Variants in CCDC158 observed in about 807,000 individuals in gnomAD.
CCDC158 encodes coiled-coil domain containing 158.
CCDC158 carries 116 observed loss-of-function variants against 138.6 expected under a neutral mutation model. The observed-to-expected ratio is 0.84, with a 90% CI of 0.72 to 0.98. CCDC158 has a LOEUF of 0.98. Among genes scored for constraint, CCDC158 ranks in the 50% least tolerant of loss-of-function variants. The pLI is 0.00. For missense variants in CCDC158, 1,265 were observed against 1,306.1 expected (o/e 0.97, Z 0.48); for synonymous variants, 436 against 442.4 (o/e 0.99, Z 0.18).
At chr4:76,346,802 G>C (rs981508032) in intron 18 of CCDC158, among the ~76,000 whole-genome samples, 4 of 152,012 alleles carry the variant, frequency 2.6e-5, no homozygotes, top group Admixed American at 1.3e-4. Context: ...CTAATATCCA[G>C]AATCTACAAA....
At chr4:76,318,071 T>C (rs990106604) in intron 24 of CCDC158, among the ~76,000 whole-genome samples, 2 of 151,934 alleles carry the variant, frequency 1.3e-5, no homozygotes, top group Admixed American at 6.6e-5. Flanking sequence ...AGAGCACAAA[T>C]AGACACTCTA....
intron 13 of CCDC158, among the ~76,000 whole-genome samples, chr4:76,361,537 G>A (rs1228758317): frequency 6.6e-6 from 1 of 152,142 alleles, no homozygotes; most frequent in Non-Finnish European, 1.5e-5. Flanking sequence ...ACTCCAACCT[G>A]GTGGACAGAG....
chr4:76,367,884 T>A, intron 11 of CCDC158, 108 bp from the exon 12 acceptor site: 1 of 1,121,964 alleles, frequency 8.9e-7, no homozygotes, highest in Non-Finnish European at 1.2e-6. Context: ...TAGGCAATGT[T>A]TAGTAAGATC....
intron 18 of CCDC158, among the ~76,000 whole-genome samples, chr4:76,336,791 G>T (rs1721554901): frequency 6.6e-6 from 1 of 152,198 alleles, no homozygotes; most frequent in Admixed American, 6.5e-5. Flanking sequence ...GAGCAGAGCA[G>T]AGAACTGTCC....
intron 24 of CCDC158, among the ~76,000 whole-genome samples, chr4:76,315,995 T>C (rs1292733714): frequency 6.6e-6 from 1 of 152,102 alleles, no homozygotes; most frequent in Non-Finnish European, 1.5e-5. Flanking sequence ...TCCACTGAAA[T>C]AGTTTACCCA....
intron 1 of CCDC158, among the ~76,000 whole-genome samples, chr4:76,412,621 A>G (rs1318177070): frequency 2.0e-5 from 3 of 152,090 alleles, no homozygotes; most frequent in East Asian, 3.9e-4. Flanking sequence ...CCATGGTGGC[A>G]TGTGCCTGTA....
At chr4:76,324,314 A>G (rs958677071) in intron 23 of CCDC158, among the ~76,000 whole-genome samples, 2 of 151,714 alleles carry the variant, frequency 1.3e-5, no homozygotes, top group Admixed American at 6.6e-5. Context: ...CAGCCTCCCA[A>G]GTAGCTGGGA....
chr4:76,420,508 A>AC (rs1368043036), intron 1 of CCDC158, among the ~76,000 whole-genome samples: 3 of 152,032 alleles, frequency 2.0e-5, no homozygotes, highest in African/African-American at 7.3e-5. Flanking sequence ...GAAAGCTCTG[A>AC]CCCCCACATG....
Position 76,325,001 on chromosome 4 carries a change from C to T in CCDC158, c.3169+856G>A, listed in dbSNP as rs533890259. On this transcript the variant is annotated intron_variant, in intron 23 of 24. Coordinates refer to ENST00000682701, the MANE Select transcript of CCDC158 (RefSeq NM_001394954.1). ...TCAGTCTCTTTCTTCAGCCTCTCAG[C>T]TTCCTCAGTCTTTGTGGGTAGGTTT... 2.0e-4 allele frequency among the ~76,000 whole-genome samples: 30 copies of T among 152,308 alleles called. No individual in the cohort carries two copies. In the South Asian group the frequency reaches 6.2e-3, roughly 32 times the overall value.
intron 8 of CCDC158, among the ~76,000 whole-genome samples, chr4:76,382,358 A>T (rs1385273458): frequency 6.6e-6 from 1 of 152,172 alleles, no homozygotes; most frequent in Non-Finnish European, 1.5e-5. Flanking sequence ...ATAGCAGTGT[A>T]AGAATGGACA....
intron 4 of CCDC158, among the ~76,000 whole-genome samples, chr4:76,388,397 C>T (rs1270006313): frequency 6.6e-6 from 1 of 152,100 alleles, no homozygotes; most frequent in Non-Finnish European, 1.5e-5. Flanking sequence ...CAACATTCAC[C>T]ACAAGCTGAT....
intron 1 of CCDC158, among the ~76,000 whole-genome samples, chr4:76,417,782 A>G (rs1009470189): frequency 2.0e-5 from 3 of 152,182 alleles, no homozygotes; most frequent in African/African-American, 7.2e-5. Flanking sequence ...GAACTGAATG[A>G]CAGAAAGGGG....
In CCDC158 at chr4:76,409,839, T is replaced by TAAATAA. The variant is rs970192351; in HGVS notation, c.-74+2245_-74+2250dup. On this transcript the variant is annotated intron_variant, in intron 2 of 24. Transcript: ENST00000682701. ...GAGCGAGACTGTCTCAAAAAATAAA[T>TAAATAA]AAATAAAAATAAAAATAAAAAGTAA... is the stretch of plus-strand genomic sequence containing the variant. 1.5e-4 allele frequency among the ~76,000 whole-genome samples: 23 copies of TAAATAA among 150,064 alleles called. No homozygotes were observed. The East Asian group carries it at 3.9e-3, about 26-fold the overall frequency.
At chr4:76,335,396 G>C (rs747013190) in intron 18 of CCDC158, among the ~76,000 whole-genome samples, 1 of 151,936 alleles carries the variant, frequency 6.6e-6, no homozygotes, top group South Asian at 2.1e-4. Context: ...CCCATCTTCT[G>C]CCCACCAGAA....
chr4:76,388,626 C>G (rs1727038685), intron 4 of CCDC158, among the ~76,000 whole-genome samples: 1 of 152,142 alleles, frequency 6.6e-6, no homozygotes. Context: ...GGCTCCTGGA[C>G]AGCATGTCCA....
chr4:76,314,474 T>C (rs1463052928), intron 24 of CCDC158, among the ~76,000 whole-genome samples: 3 of 152,180 alleles, frequency 2.0e-5, no homozygotes, highest in Non-Finnish European at 4.4e-5. Flanking sequence ...AGGAACATAC[T>C]GGGAAAACCA....
chr4:76,370,969 C>T (rs1725179373), intron 10 of CCDC158, among the ~76,000 whole-genome samples: 2 of 143,758 alleles, frequency 1.4e-5, no homozygotes, highest in Non-Finnish European at 1.6e-5. Context: ...TCCTAAATTT[C>T]TCATCCTATA....
In CCDC158 at chr4:76,324,478, C is replaced by T. The variant is rs28452538; in HGVS notation, c.3170-1069G>A. ...TTGGGATTACAGACATGAGCCACAG[C>T]GCCCAGCCAGAAGTTTTTAACATAA... On this transcript the variant is annotated intron_variant, in intron 23 of 24. Transcript: ENST00000682701. Among the ~76,000 whole-genome samples, 456 of 152,132 alleles carry T rather than the reference C, an allele frequency of 3.0e-3. 4 individuals are homozygous for T. Among genetic ancestry groups the T allele is most frequent in the African/African-American group, 0.01 (428 of 41,490 alleles).
At chr4:76,364,725 G>C (rs1724489605) in intron 12 of CCDC158, among the ~76,000 whole-genome samples, 1 of 152,228 alleles carries the variant, frequency 6.6e-6, no homozygotes, top group Non-Finnish European at 1.5e-5. Flanking sequence ...TTGGTCATCA[G>C]ATTGTTTCCC....
Sources: gnomAD v4.1 joint callset for allele counts (sites outside exome capture counted in the v4.1 genomes callset) on GRCh38, gnomAD v4.1.1 for gene constraint, MANE v1.5 for transcripts, NCBI Gene and HGNC (gene_info 2026-07-23, HGNC 2026-07-21) for gene names.